Variants in PKHD1 observed in about 807,000 individuals in gnomAD.
The protein encoded by PKHD1 is fibrocystin.
PKHD1 carries 291 observed loss-of-function variants against 412.0 expected under a neutral mutation model. The ratio of observed to expected loss-of-function variants is 0.71; its 90% CI spans 0.64 to 0.78. PKHD1 has a LOEUF of 0.78. PKHD1 is among the 30% of genes least tolerant of loss of function. PKHD1 has a pLI of 0.00. For missense variants in PKHD1, 4,825 were observed against 4,950.7 expected, an observed-to-expected ratio of 0.97 and a Z score of 0.76; for synonymous variants, 1,777 against 1,821.5, an observed-to-expected ratio of 0.98 and a Z score of 0.62.
intron 53 of PKHD1, among the ~76,000 whole-genome samples, chr6:51,778,962 C>T (rs1791523913): frequency 6.6e-6 from 1 of 152,076 alleles, no homozygotes; most frequent in African/African-American, 2.4e-5. Flanking sequence ...CTTGGCTCCA[C>T]CGTAATTTAT....
chr6:51,826,279 CT>C (rs1767302015), intron 52 of PKHD1, among the ~76,000 whole-genome samples: 1 of 152,046 alleles, frequency 6.6e-6, no homozygotes, highest in Non-Finnish European at 1.5e-5. Context: ...AACAGAAGAG[CT>C]ATTATAAAAG....
At chr6:52,044,583 T>C (rs1251273859) in intron 25 of PKHD1, among the ~76,000 whole-genome samples, 1 of 152,136 alleles carries the variant, frequency 6.6e-6, no homozygotes, top group Non-Finnish European at 1.5e-5. Context: ...TGAAAGTAGA[T>C]GACCTATAAC....
intron 62 of PKHD1, among the ~76,000 whole-genome samples, 190 bp downstream of exon 62, chr6:51,648,895 A>G (rs1441785506): frequency 6.6e-6 from 1 of 152,206 alleles, no homozygotes; most frequent in Non-Finnish European, 1.5e-5. Context: ...GAATGTTCAG[A>G]GAAAATAGAA....
intron 60 of PKHD1, among the ~76,000 whole-genome samples, chr6:51,727,452 T>C (rs1440996446): frequency 6.6e-6 from 1 of 152,196 alleles, no homozygotes; most frequent in Non-Finnish European, 1.5e-5. Context: ...GAAAGTACGC[T>C]TGATAGAGAT....
At chr6:51,845,208 C>T (rs1358549590) in intron 50 of PKHD1, among the ~76,000 whole-genome samples, 3 of 152,198 alleles carry the variant, frequency 2.0e-5, no homozygotes, top group Admixed American at 1.3e-4. Flanking sequence ...TAATCACCAC[C>T]TTGCTAAAGA....
intron 49 of PKHD1, among the ~76,000 whole-genome samples, chr6:51,849,138 T>C (rs1771734364): frequency 6.6e-6 from 1 of 152,026 alleles, no homozygotes; most frequent in Admixed American, 6.5e-5. Flanking sequence ...CACTTATGAG[T>C]GAGAACATGC....
chr6:51,986,124 A>G lies in PKHD1; in HGVS notation c.5751+24185T>C, dbSNP rs548455879. ...GGATCTGTGTAGTTATAATGATTTC[A>G]AGTTAAAAAAACAGAAATGTAAGTA... is the stretch of plus-strand genomic sequence containing the variant. On this transcript the variant is annotated intron_variant, in intron 35 of 66. Coordinates refer to ENST00000371117, the MANE Select transcript of PKHD1 (RefSeq NM_138694.4). Among the ~76,000 whole-genome samples the G allele has an allele frequency of 2.6e-5, 4 of 152,344 alleles. No homozygotes were observed. The East Asian group carries it at 7.7e-4, about 29-fold the overall frequency.
At chr6:51,621,229 A>G (rs1766577365) in intron 66 of PKHD1, among the ~76,000 whole-genome samples, 1 of 152,172 alleles carries the variant, frequency 6.6e-6, no homozygotes, top group South Asian at 2.1e-4. Context: ...TGTGCCGTCA[A>G]CCTTGCTCCC....
At chr6:51,638,806 A>AG in intron 64 of PKHD1, 43 bp downstream of exon 64, 1 of 1,262,746 alleles carries the variant, frequency 7.9e-7, no homozygotes, top group South Asian at 1.3e-5. Context: ...TCTCAAAAAA[A>AG]AAAAAAAAAA....
chr6:51,670,016 A>G (rs1774627958), intron 60 of PKHD1, among the ~76,000 whole-genome samples: 1 of 151,462 alleles, frequency 6.6e-6, no homozygotes, highest in Non-Finnish European at 1.5e-5. Context: ...AAAAAATTGT[A>G]TATTCTGGTG....
chr6:51,763,995 A>G (rs1788497311), intron 55 of PKHD1, among the ~76,000 whole-genome samples: 1 of 149,052 alleles, frequency 6.7e-6, no homozygotes, highest in Non-Finnish European at 1.5e-5. Flanking sequence ...ACATGTGCAC[A>G]TTGTGCAGGT....
chr6:51,923,549 A>T (rs935483137), intron 37 of PKHD1, among the ~76,000 whole-genome samples: 3 of 152,110 alleles, frequency 2.0e-5, no homozygotes, highest in African/African-American at 4.8e-5. Context: ...GTACCAAAAA[A>T]CAAGTAGGTA....
chr6:51,624,569 A>G (rs1412289129), intron 66 of PKHD1, among the ~76,000 whole-genome samples: 5 of 152,170 alleles, frequency 3.3e-5, no homozygotes, highest in African/African-American at 1.2e-4. Flanking sequence ...TAAAATTTCT[A>G]TTAATACATT....
chr6:51,646,863 C>G (rs945000237), intron 63 of PKHD1, among the ~76,000 whole-genome samples: 1 of 152,166 alleles, frequency 6.6e-6, no homozygotes, highest in African/African-American at 2.4e-5. Flanking sequence ...GAGGTTCACT[C>G]TTGCCATTCT....
rs142346881 is a variant in PKHD1 at position 52,072,173 on chromosome 6, C to T, written c.544G>A (p.Ala182Thr). 116 of 1,605,888 alleles carry T rather than the reference C, an allele frequency of 7.2e-5. No individual in the cohort carries two copies. The highest frequency in any genetic ancestry group is 9.6e-5 in the Non-Finnish European group (113 of 1,172,756). ...EYIDSPVILEAQGDKWVTPCS... is the reference protein window; with the variant it reads ...EYIDSPVILETQGDKWVTPCS... ...GGAGTAACCCATTTGTCTCCTTGAG[C>T]TTCCAAGATCACTGGGCTGGATTTA... is the stretch of plus-strand genomic sequence containing the variant. The change falls in exon 8 of 67, where the codon GCT becomes ACT. Residue 182 changes from alanine (A) to threonine (T), a missense_variant. Transcript: ENST00000371117.
intron 63 of PKHD1, among the ~76,000 whole-genome samples, chr6:51,646,568 G>A (rs1044399587): frequency 3.3e-5 from 5 of 152,112 alleles, no homozygotes; most frequent in Non-Finnish European, 5.9e-5. Flanking sequence ...AAGGGCCTAC[G>A]TCTTAATTTG....
At chr6:51,865,184 A>G (rs955484933) in intron 48 of PKHD1, among the ~76,000 whole-genome samples, 2 of 152,178 alleles carry the variant, frequency 1.3e-5, no homozygotes, top group African/African-American at 4.8e-5. Context: ...TACAGAAAGC[A>G]TGTTTTCAGA....
chr6:51,793,929 G>A (rs1794155267), intron 52 of PKHD1, among the ~76,000 whole-genome samples: 1 of 152,128 alleles, frequency 6.6e-6, no homozygotes, highest in African/African-American at 2.4e-5. Context: ...TCTGCCTCTA[G>A]GTCTTTGAGG....
At chr6:51,930,573 A>G (rs1786420700) in intron 37 of PKHD1, among the ~76,000 whole-genome samples, 1 of 152,226 alleles carries the variant, frequency 6.6e-6, no homozygotes, top group Non-Finnish European at 1.5e-5. Flanking sequence ...AAGAGCAATA[A>G]TAAAGAATGA....
Sources: allele counts gnomAD v4.1 joint callset (sites outside exome capture counted in the v4.1 genomes callset), GRCh38; gene constraint gnomAD v4.1.1; transcripts MANE v1.5; gene names NCBI Gene and HGNC (gene_info 2026-07-23, HGNC 2026-07-21).